The following RABGAP1L variants were observed in gnomAD, a reference collection of about 807,000 sequenced individuals.
RABGAP1L encodes the protein RAB GTPase activating protein 1 like, also known as rab GTPase-activating protein 1-like.
In RABGAP1L, 63 loss-of-function variants were observed where a neutral mutation model predicts 137.7. That is an observed-to-expected ratio of 0.46 (90% CI 0.37 to 0.56). The LOEUF (loss-of-function observed/expected upper bound fraction) is 0.56. Ranked by LOEUF, RABGAP1L falls within the 20% of genes least tolerant of loss-of-function variation. The pLI, the probability that RABGAP1L is intolerant of heterozygous loss-of-function variation, is 0.00. For synonymous variants in RABGAP1L, 431 were observed against 433.7 expected, an observed-to-expected ratio of 0.99 and a Z score of 0.08; for missense variants, 1,095 against 1,244.0, an observed-to-expected ratio of 0.88 and a Z score of 1.80.
chr1:174,466,865 C>T (rs1314524023), intron 13 of RABGAP1L, among the ~76,000 whole-genome samples: 1 of 152,124 alleles, frequency 6.6e-6, no homozygotes, highest in Non-Finnish European at 1.5e-5. Context: ...TTATTCATCA[C>T]TTGTTACCTG....
At chr1:174,490,603 C>G (rs1163854295) in intron 13 of RABGAP1L, among the ~76,000 whole-genome samples, 2 of 152,118 alleles carry the variant, frequency 1.3e-5, no homozygotes, top group African/African-American at 2.4e-5. Flanking sequence ...TCTGAAGGCC[C>G]TAGGGCTCTA....
At position 174,660,787 on chromosome 1, in the gene RABGAP1L, T is replaced by C. The variant is rs144137120; in HGVS notation, c.1825-22735T>C. ...TCTGAATCCCTTGCTCAAGTGTTAC[T>C]TTCTTAATATGGCCTGCCTTAACCA... is the stretch of plus-strand genomic sequence containing the variant. On this transcript the variant is annotated intron_variant, in intron 14 of 25. Transcript: ENST00000681986. Among the ~76,000 whole-genome samples the C allele has an allele frequency of 2.6e-5, 4 of 152,364 alleles. No individual in the cohort carries two copies. The East Asian group carries it at 7.7e-4, about 29-fold the overall frequency.
Position 174,221,131 on chromosome 1 carries a change from T to G in RABGAP1L, c.298T>G (p.Ser100Ala), listed in dbSNP as rs1227974867. 1.2e-6 allele frequency: 2 copies of G among 1,612,200 alleles called. No individual in the cohort carries two copies. The highest frequency in any genetic ancestry group is 1.7e-5 in the Admixed American group (1 of 59,796). Residue 100 changes from serine to alanine, a missense_variant, in exon 3 of 26, where the codon TCT becomes GCT. Physicochemically the swap from Ser to Ala is moderately conservative, Grantham distance 99 (BLOSUM62 1). Transcript: ENST00000681986. Reference protein sequence around the residue: ...DIPASQTNKPSLQLILDPSNT... With the variant: ...DIPASQTNKPALQLILDPSNT... Reference sequence around the variant, plus strand: ...TCCAGCCAGCCAAACAAATAAGCCATCTCTTCAGTTAATTTTGGATCCGTC... The same window carrying G: ...TCCAGCCAGCCAAACAAATAAGCCAGCTCTTCAGTTAATTTTGGATCCGTC...
intron 19 of RABGAP1L, among the ~76,000 whole-genome samples, chr1:174,854,922 G>A (rs1160532770): frequency 6.6e-6 from 1 of 151,268 alleles, no homozygotes; most frequent in African/African-American, 2.4e-5. Context: ...ATTTTTAGTA[G>A]AGACAGGGTT....
At chr1:174,683,057 GGT>G (rs1491336419) in intron 14 of RABGAP1L, among the ~76,000 whole-genome samples, 2 of 137,332 alleles carry the variant, frequency 1.5e-5, no homozygotes, top group African/African-American at 6.0e-5. Flanking sequence ...GTTCTAAAGG[GGT>G]TTTTTTTTTT....
At chr1:174,537,369 AG>A (rs1156710055) in intron 13 of RABGAP1L, among the ~76,000 whole-genome samples, 18 of 152,132 alleles carry the variant, frequency 1.2e-4, no homozygotes, top group African/African-American at 4.3e-4. Flanking sequence ...CCTTTCTCTC[AG>A]GGTACAAAAG....
chr1:174,327,986 C>CATATATATAT (rs3057021), intron 11 of RABGAP1L, among the ~76,000 whole-genome samples: 36 of 53,622 alleles, frequency 6.7e-4, no homozygotes, highest in Admixed American at 2.4e-3. Context: ...TATACACACA[C>CATATATATAT]ATATATATAT....
At chr1:174,866,877 C>T (rs1039234982) in intron 19 of RABGAP1L, among the ~76,000 whole-genome samples, 4 of 151,882 alleles carry the variant, frequency 2.6e-5, no homozygotes, top group South Asian at 4.2e-4. Flanking sequence ...CGTGCCACTG[C>T]ACTCCACCCT....
chr1:174,465,847 A>G (rs1168847305), intron 13 of RABGAP1L, among the ~76,000 whole-genome samples: 1 of 152,184 alleles, frequency 6.6e-6, no homozygotes, highest in Non-Finnish European at 1.5e-5. Context: ...CTGATCTGCT[A>G]ATGTCCTCTG....
At position 174,482,716 on chromosome 1, in the gene RABGAP1L, A is replaced by G. The variant is rs575831337; in HGVS notation, c.1710+88571A>G. 5.1e-4 allele frequency among the ~76,000 whole-genome samples: 78 copies of G among 152,254 alleles called. 1 individual carries two copies. Among genetic ancestry groups the G allele is most frequent in the African/African-American group, 1.6e-3 (68 of 41,562 alleles). On this transcript the variant is annotated intron_variant, in intron 13 of 25. Transcript: ENST00000681986. ...GGTCTCGAACTGCTGGGCTCAAGCAATCCTCCCTCCTTGGACTCTCAAAGT... is the reference window on the plus strand; with the variant it reads ...GGTCTCGAACTGCTGGGCTCAAGCAGTCCTCCCTCCTTGGACTCTCAAAGT...
chr1:174,321,970 C>T (rs1441153929), intron 11 of RABGAP1L, among the ~76,000 whole-genome samples: 2 of 147,358 alleles, frequency 1.4e-5, no homozygotes, highest in South Asian at 2.1e-4. Flanking sequence ...TATTAGAGTT[C>T]TTTATATATA....
intron 1 of RABGAP1L, among the ~76,000 whole-genome samples, chr1:174,212,613 C>G (rs544096765): frequency 9.3e-5 from 14 of 151,330 alleles, no homozygotes; most frequent in Non-Finnish European, 1.6e-4. Flanking sequence ...AGTAAGCGAC[C>G]TAACAATACT....
chr1:174,582,733 T>A (rs1052204792), intron 13 of RABGAP1L, among the ~76,000 whole-genome samples: 3 of 152,176 alleles, frequency 2.0e-5, no homozygotes, highest in Non-Finnish European at 4.4e-5. Flanking sequence ...CTAGAAGGGT[T>A]CAAAGGAGGA....
At chr1:174,719,893 C>T (rs1345662522) in intron 17 of RABGAP1L, among the ~76,000 whole-genome samples, 2 of 151,990 alleles carry the variant, frequency 1.3e-5, no homozygotes, top group East Asian at 3.8e-4. Flanking sequence ...TTTAGAAGCC[C>T]ATATTGCAAG....
chr1:174,756,758 C>T, intron 18 of RABGAP1L: 2 of 399,684 alleles, frequency 5.0e-6, no homozygotes, highest in South Asian at 4.0e-5. Context: ...AGGACAATAG[C>T]AGTCTTTTCC....
chr1:174,614,528 G>C lies in RABGAP1L; in HGVS notation c.1711-22847G>C, dbSNP rs977023405. 2.6e-5 allele frequency among the ~76,000 whole-genome samples: 4 copies of C among 152,060 alleles called. No homozygotes were observed. The East Asian group carries it at 5.8e-4, about 22-fold the overall frequency. On this transcript the variant is annotated intron_variant, in intron 13 of 25. Coordinates refer to ENST00000681986, the MANE Select transcript of RABGAP1L (RefSeq NM_001366446.1). ...CCTTAACATTTTTTCCTTCATTTCA[G>C]CTTTGGTGAATCTGACATTTATGTG...
intron 1 of RABGAP1L, among the ~76,000 whole-genome samples, chr1:174,161,623 T>C (rs1277581082): frequency 2.0e-5 from 3 of 152,232 alleles, no homozygotes; most frequent in Non-Finnish European, 4.4e-5. Context: ...ATAACCTACA[T>C]TGTCCTCTAG....
At chr1:174,512,916 A>T (rs1662485633) in intron 13 of RABGAP1L, among the ~76,000 whole-genome samples, 1 of 152,172 alleles carries the variant, frequency 6.6e-6, no homozygotes, top group Non-Finnish European at 1.5e-5. Flanking sequence ...AAATAAAGAG[A>T]TATACATACA....
At chr1:174,399,868 C>G (rs182319177) in intron 13 of RABGAP1L, among the ~76,000 whole-genome samples, 1 of 152,092 alleles carries the variant, frequency 6.6e-6, no homozygotes, top group South Asian at 2.1e-4. Flanking sequence ...GTTATCTCCA[C>G]CTGGTCCCTC....
Sources: gnomAD v4.1 joint callset for allele counts (sites outside exome capture counted in the v4.1 genomes callset) on GRCh38, gnomAD v4.1.1 for gene constraint, MANE v1.5 for transcripts, NCBI Gene and HGNC (gene_info 2026-07-23, HGNC 2026-07-21) for gene names.